The following FAF1 variants were observed in gnomAD, a reference collection of about 807,000 sequenced individuals.
FAF1 encodes FAS-associated factor 1.
In FAF1, 25 loss-of-function variants were observed where a neutral mutation model predicts 92.5. The ratio of observed to expected loss-of-function variants is 0.27; its 90% CI spans 0.20 to 0.38. The LOEUF is 0.38. Ranked by LOEUF, FAF1 falls within the 10% of genes least tolerant of loss-of-function variation. The pLI is 1.00. For missense variants in FAF1, 636 were observed against 793.3 expected, an observed-to-expected ratio of 0.80 and a Z score of 2.38; for synonymous variants, 234 against 273.2, an observed-to-expected ratio of 0.86 and a Z score of 1.42.
intron 1 of FAF1, among the ~76,000 whole-genome samples, chr1:50,950,807 ACTG>A (rs367626710): frequency 1.2e-4 from 19 of 152,384 alleles, no homozygotes; most frequent in Middle Eastern, 3.4e-3. Context: ...ACAGCCAAGC[ACTG>A]CTAATTTATT....
intron 2 of FAF1, among the ~76,000 whole-genome samples, chr1:50,851,618 G>C (rs550937647): frequency 5.9e-5 from 9 of 152,172 alleles, no homozygotes; most frequent in Non-Finnish European, 1.0e-4. Context: ...TGTTCTGCTA[G>C]ATGATTAACA....
chr1:50,825,204 C>G (rs1644084871), intron 2 of FAF1, among the ~76,000 whole-genome samples: 1 of 151,970 alleles, frequency 6.6e-6, no homozygotes, highest in Admixed American at 6.5e-5. Flanking sequence ...ATCAAAATAC[C>G]ACATGCAACC....
intron 4 of FAF1, among the ~76,000 whole-genome samples, chr1:50,769,629 G>A (rs1182430662): frequency 1.3e-5 from 2 of 152,172 alleles, no homozygotes; most frequent in Non-Finnish European, 2.9e-5. Context: ...GGGATGCAAG[G>A]TTGGTTTAAT....
intron 1 of FAF1, among the ~76,000 whole-genome samples, chr1:50,928,378 A>C (rs552614464): frequency 1.3e-5 from 2 of 152,236 alleles, no homozygotes; most frequent in Non-Finnish European, 2.9e-5. Context: ...TAAAAGATTT[A>C]TTCTACATGT....
In FAF1 at chr1:50,488,802, T is replaced by A. The variant is rs950158387; in HGVS notation, c.1653+1786A>T. On this transcript the variant is annotated intron_variant, in intron 17 of 18. Transcript: ENST00000396153. ...TCTCTAACCTTGTAGCTTGTTTTAA[T>A]GGTTAATTGATAAGCATACGTAAAG... 6.6e-5 allele frequency among the ~76,000 whole-genome samples: 10 copies of A among 152,222 alleles called. No individual in the cohort carries two copies. In the East Asian group the frequency reaches 1.3e-3, roughly 20 times the overall value.
intron 5 of FAF1, among the ~76,000 whole-genome samples, chr1:50,743,011 T>C (rs1659446997): frequency 6.6e-6 from 1 of 152,246 alleles, no homozygotes; most frequent in Non-Finnish European, 1.5e-5. Context: ...TACTGAAACA[T>C]AATTATGCTC....
intron 18 of FAF1, among the ~76,000 whole-genome samples, chr1:50,454,785 T>G (rs567596183): frequency 1.3e-4 from 20 of 152,352 alleles, no homozygotes; most frequent in African/African-American, 4.8e-4. Flanking sequence ...AGTTTCACAC[T>G]GAGTTATCTG....
chr1:50,466,499 G>C (rs930382300), intron 18 of FAF1, among the ~76,000 whole-genome samples: 1 of 152,154 alleles, frequency 6.6e-6, no homozygotes, highest in African/African-American at 2.4e-5. Flanking sequence ...TTTGTGAGTT[G>C]TAACTGTGTA....
chr1:50,877,731 T>C (rs1401061174), intron 1 of FAF1, among the ~76,000 whole-genome samples: 1 of 152,160 alleles, frequency 6.6e-6, no homozygotes, highest in Non-Finnish European at 1.5e-5. Context: ...TGCTTCCTCA[T>C]TCTAATTAGT....
chr1:50,464,730 C>T (rs1646473283), intron 18 of FAF1, among the ~76,000 whole-genome samples: 1 of 152,216 alleles, frequency 6.6e-6, no homozygotes, highest in South Asian at 2.1e-4. Flanking sequence ...TTCATTATCA[C>T]TTTTGATCTT....
chr1:50,923,076 T>C (rs559609241), intron 1 of FAF1, among the ~76,000 whole-genome samples: 15 of 151,864 alleles, frequency 9.9e-5, no homozygotes, highest in South Asian at 2.1e-4. Flanking sequence ...AATGAAGAAA[T>C]AGAAAACCTG....
intron 15 of FAF1, among the ~76,000 whole-genome samples, chr1:50,518,064 G>C (rs1452626087): frequency 1.3e-5 from 2 of 152,034 alleles, no homozygotes; most frequent in African/African-American, 4.8e-5. Flanking sequence ...CCACAATCAG[G>C]ATACGAAACA....
At chr1:50,932,952 T>A (rs1015158523) in intron 1 of FAF1, among the ~76,000 whole-genome samples, 4 of 152,212 alleles carry the variant, frequency 2.6e-5, no homozygotes, top group Admixed American at 2.6e-4. Context: ...TCTCAAGCCA[T>A]AGCCCAAGCT....
At chr1:50,911,143 G>A (rs1250992593) in intron 1 of FAF1, among the ~76,000 whole-genome samples, 2 of 151,838 alleles carry the variant, frequency 1.3e-5, no homozygotes, top group Non-Finnish European at 2.9e-5. Context: ...TGTGATCTCA[G>A]CTCACTGCAA....
intron 9 of FAF1, among the ~76,000 whole-genome samples, chr1:50,590,335 T>A (rs1292709424): frequency 2.0e-5 from 3 of 152,226 alleles, no homozygotes; most frequent in Non-Finnish European, 4.4e-5. Flanking sequence ...CAATGTTTGG[T>A]AGCTTTCATA....
chr1:50,933,662 C>A (rs965119409), intron 1 of FAF1, among the ~76,000 whole-genome samples: 1 of 152,208 alleles, frequency 6.6e-6, no homozygotes, highest in African/African-American at 2.4e-5. Context: ...TTTTCCAGTA[C>A]CTTTTCGGCA....
At chr1:50,658,467 G>A (rs1450009326) in intron 7 of FAF1, among the ~76,000 whole-genome samples, 1 of 152,124 alleles carries the variant, frequency 6.6e-6, no homozygotes, top group African/African-American at 2.4e-5. Context: ...GAAATAAACA[G>A]TATTTTCTTT....
chr1:50,452,165 T>G lies in FAF1; in HGVS notation c.1870-10642A>C, dbSNP rs190280413. ...AATATACAAAGAACGAGAACAGGCA[T>G]GTTTCCCCATCCTGGAAAGTCCTGG... On this transcript the variant is annotated intron_variant, in intron 18 of 18. Coordinates refer to ENST00000396153, the MANE Select transcript of FAF1 (RefSeq NM_007051.3). The G allele has an allele frequency of 2.2e-6, 3 of 1,348,220 alleles. No individual in the cohort carries two copies. In the African/African-American group the frequency reaches 4.4e-5, roughly 20 times the overall value. The allele number at this position is 1,348,220 out of a possible 1,614,324, so 83.5% of individuals were successfully genotyped here.
chr1:50,863,313 T>G (rs1314457520), intron 1 of FAF1, among the ~76,000 whole-genome samples: 4 of 151,884 alleles, frequency 2.6e-5, no homozygotes, highest in African/African-American at 9.7e-5. Flanking sequence ...TTATTTGAAC[T>G]TAACAATAAT....
Sources: allele counts gnomAD v4.1 joint callset (sites outside exome capture counted in the v4.1 genomes callset), GRCh38; gene constraint gnomAD v4.1.1; transcripts MANE v1.5; gene names NCBI Gene and HGNC (gene_info 2026-07-23, HGNC 2026-07-21).